FBXO41: variants seen among roughly 807,000 people sequenced by gnomAD.
FBXO41 encodes F-box only protein 41.
Under a neutral mutation model 81.6 loss-of-function variants are expected in FBXO41, and 33 were observed. The observed-to-expected ratio is 0.40, with a 90% CI of 0.31 to 0.54. The LOEUF (loss-of-function observed/expected upper bound fraction) is 0.54. Among genes scored for constraint, FBXO41 ranks in the 20% least tolerant of loss-of-function variants. The pLI is 0.39. For synonymous variants in FBXO41, 576 were observed against 552.7 expected (o/e 1.04, Z -0.59); for missense variants, 1,107 against 1,236.0 (o/e 0.90, Z 1.56).
intron 4 of FBXO41, 28 bp from the exon 5 acceptor site, chr2:73,265,668 G>T: frequency 6.8e-7 from 1 of 1,478,310 alleles, no homozygotes; most frequent in Non-Finnish European, 9.0e-7. Context: ...ACACAGTAAG[G>T]GGTAAGAGGC....
intron 1 of FBXO41, among the ~76,000 whole-genome samples, chr2:73,281,468 T>C (rs1373475782): frequency 6.6e-6 from 1 of 152,294 alleles, no homozygotes; most frequent in East Asian, 1.9e-4. Context: ...GACTCAGGGA[T>C]TGGCCATGTG....
rs1030200955 is a variant in FBXO41, at chr2:73,266,754, G to C, written c.906-72C>G. 1 of 1,468,320 alleles carries C rather than the reference G, an allele frequency of 6.8e-7. No homozygotes were observed. Among genetic ancestry groups the C allele is most frequent in the African/African-American group, 1.4e-5 (1 of 70,042 alleles). The allele number at this position is 1,468,320 out of a possible 1,614,324, so 91.0% of individuals were successfully genotyped here. A position where few individuals can be genotyped will look rare whatever the true frequency, so the allele number is the denominator to read the frequency against. On this transcript the variant is annotated intron_variant, in intron 2 of 12. Coordinates refer to ENST00000520530, the MANE Select transcript of FBXO41 (RefSeq NM_001371389.2). This position sits in a 1 kb window ranked among gnomAD's most constrained non-coding sequence, Gnocchi z 5.3. The stretch of plus-strand genomic sequence containing the variant: ...CACCCACCCTCTGGAGGAGAGCCTG[G>C]CCAGTGCGGGGAGACACTGGCACAG...
In FBXO41 at chr2:73,260,636, A is replaced by C. The variant is rs1424835466; in HGVS notation, c.2291-89T>G. The C allele has an allele frequency of 1.3e-6, 2 of 1,534,080 alleles. No individual in the cohort carries two copies. Among genetic ancestry groups the C allele is most frequent in the Non-Finnish European group, 1.8e-6 (2 of 1,135,632 alleles). On this transcript the variant is annotated intron_variant, in intron 10 of 12. Transcript: ENST00000520530. This position sits in a 1 kb window ranked among gnomAD's most constrained non-coding sequence, Gnocchi z 5.0. ...CCTGGCTACCACCCTGCCACCTGCCACCACCCAGGCTGCAGCCCCAAGCCC... is the reference window on the plus strand; with the variant it reads ...CCTGGCTACCACCCTGCCACCTGCCCCCACCCAGGCTGCAGCCCCAAGCCC...
intron 9 of FBXO41, 51 bp downstream of exon 9, chr2:73,263,162 C>G (rs1405020777): frequency 6.8e-7 from 1 of 1,467,764 alleles, no homozygotes; most frequent in East Asian, 2.5e-5. Flanking sequence ...CAGCCCCAGA[C>G]CAGGCCCAAC....
Position 73,265,906 on chromosome 2 carries a change from A to G in FBXO41, c.1192T>C (p.Ser398Pro). 1 of 1,586,460 alleles carries G rather than the reference A, an allele frequency of 6.3e-7. No homozygotes were observed. The highest frequency in any genetic ancestry group is 8.6e-7 in the Non-Finnish European group (1 of 1,166,352). ...CCCAAGGCTTACCCTGTGCTCGGAGAGGAGCCATGCCGTGACACTGCATAT... is the reference window on the plus strand; with the variant it reads ...CCCAAGGCTTACCCTGTGCTCGGAGGGGAGCCATGCCGTGACACTGCATAT... ...NTYAVSRHGS[S>P]PSTGASSRVP... Residue 398 changes from serine to proline, a missense_variant, in exon 4 of 13, where the codon TCT (serine) becomes CCT (proline). Transcript: ENST00000520530.
Position 73,269,101 on chromosome 2 carries a change from G to A in FBXO41, c.530C>T (p.Pro177Leu), listed in dbSNP as rs1350716100. The A allele has an allele frequency of 4.6e-6, 7 of 1,507,158 alleles. No individual in the cohort carries two copies. The highest frequency in any genetic ancestry group is 6.2e-6 in the Non-Finnish European group (7 of 1,135,978). The allele number at this position is 1,507,158 out of a possible 1,614,324, so 93.4% of individuals were successfully genotyped here. ...ACSTPPPGPG[P>L]GPCPGPASAS... Reference sequence around the variant, plus strand: ...GGAGGCAGGCCCGGGGCAAGGGCCGGGGCCGGGGCCAGGCGGCGGCGTCGA... The same window carrying A: ...GGAGGCAGGCCCGGGGCAAGGGCCGAGGCCGGGGCCAGGCGGCGGCGTCGA... The change falls in exon 2 of 13, where the codon CCC becomes CTC. Residue 177 changes from proline (P) to leucine (L), a missense_variant. By Grantham distance (98) the Pro-to-Leu change is moderately conservative (BLOSUM62 -3). Coordinates refer to ENST00000520530, the MANE Select transcript of FBXO41 (RefSeq NM_001371389.2). The surrounding 1 kb of genome is among the most constrained non-coding windows in gnomAD (Gnocchi z 7.0).
chr2:73,265,162 G>A (rs1166918207), intron 5 of FBXO41, 120 bp downstream of exon 5: 3 of 944,996 alleles, frequency 3.2e-6, no homozygotes, highest in East Asian at 5.3e-5. Flanking sequence ...CCTGCCCCAG[G>A]CTTGAAGGGC....
chr2:73,277,015 G>A (rs572584127), intron 1 of FBXO41, among the ~76,000 whole-genome samples: 1 of 152,214 alleles, frequency 6.6e-6, no homozygotes. Flanking sequence ...CCCAGAAGTA[G>A]CCAGCCTTCT....
chr2:73,266,900 A>C lies in FBXO41; in HGVS notation c.906-218T>G. 2 of 592,670 alleles carry C rather than the reference A, an allele frequency of 3.4e-6. No homozygotes were observed. Among genetic ancestry groups the C allele is most frequent in the South Asian group, 3.7e-5 (1 of 27,338 alleles). The allele number at this position is 592,670 out of a possible 1,614,324, so 36.7% of individuals were successfully genotyped here. On this transcript the variant is annotated intron_variant, in intron 2 of 12. Coordinates refer to ENST00000520530, the MANE Select transcript of FBXO41 (RefSeq NM_001371389.2). This position sits in a 1 kb window ranked among gnomAD's most constrained non-coding sequence, Gnocchi z 5.3. ...ACTCCGAGCCACACACTCACACCCC[A>C]CCCACCTGGCCCCAGACCCTGCTCT...
At chr2:73,270,794 C>G (rs773260933) in intron 1 of FBXO41, 1 of 534,212 alleles carries the variant, frequency 1.9e-6, no homozygotes, top group Admixed American at 1.9e-5. Flanking sequence ...TCTTCTCCTA[C>G]CTTGTGGGGT....
rs1264289726 is a variant in FBXO41 at position 73,259,809 on chromosome 2, C to T, written c.2450-513G>A. On this transcript the variant is annotated intron_variant, in intron 11 of 12. Transcript: ENST00000520530. The surrounding 1 kb of genome is among the most constrained non-coding windows in gnomAD (Gnocchi z 4.2). The stretch of plus-strand genomic sequence containing the variant: ...GAGCAGTTAGTTCTGGTGGTAAAGT[C>T]CAGGGTATCCCATGTGGCTGAAGGG... Among the ~76,000 whole-genome samples, 1 of 152,064 alleles carries T rather than the reference C, an allele frequency of 6.6e-6. No homozygotes were observed. Among genetic ancestry groups the T allele is most frequent in the African/African-American group, 2.4e-5 (1 of 41,372 alleles).
chr2:73,274,034 TC>T (rs2103902225), intron 1 of FBXO41, among the ~76,000 whole-genome samples: 1 of 152,308 alleles, frequency 6.6e-6, no homozygotes, highest in East Asian at 1.9e-4. Context: ...TTTGTACTCT[TC>T]CAGGCCACAA....
chr2:73,263,353 A>C, intron 8 of FBXO41, 45 bp from the exon 9 acceptor site: 2 of 1,403,988 alleles, frequency 1.4e-6, no homozygotes, highest in Non-Finnish European at 1.9e-6. Flanking sequence ...GGTGGCTTAT[A>C]CTGGTAATCC....
chr2:73,269,694 C>T lies in FBXO41; in HGVS notation c.-64G>A. 1 of 1,103,296 alleles carries T rather than the reference C, an allele frequency of 9.1e-7. No individual in the cohort carries two copies. 68.3% of individuals were successfully genotyped at this position (1,103,296 alleles called of 1,614,324 possible). A position where few individuals can be genotyped will look rare whatever the true frequency, so the allele number is the denominator to read the frequency against. On this transcript the variant is annotated 5_prime_UTR_variant, in exon 2 of 13. Coordinates refer to ENST00000520530, the MANE Select transcript of FBXO41 (RefSeq NM_001371389.2). The surrounding 1 kb of genome is among the most constrained non-coding windows in gnomAD (Gnocchi z 7.0). ...CCGCCCCGCCGGTCAGCCGGGCGCGCTCATGGGGGACCGCGGGCGAGGCCC... is the reference window on the plus strand; with the variant it reads ...CCGCCCCGCCGGTCAGCCGGGCGCGTTCATGGGGGACCGCGGGCGAGGCCC...
Position 73,266,705 on chromosome 2 carries a change from C to T in FBXO41, c.906-23G>A, listed in dbSNP as rs1688293439. ...TCCCTGGGCCCAGAGCAGTCTCTTA[C>T]CCCAGAGCCTCAGCCTGCCTGCCCA... On this transcript the variant is annotated intron_variant, in intron 2 of 12. Coordinates refer to ENST00000520530, the MANE Select transcript of FBXO41 (RefSeq NM_001371389.2). The surrounding 1 kb of genome is among the most constrained non-coding windows in gnomAD (Gnocchi z 5.3). The T allele has an allele frequency of 2.0e-6, 3 of 1,529,354 alleles. No homozygotes were observed. The highest frequency in any genetic ancestry group is 2.5e-5 in the South Asian group (2 of 80,752). The allele number at this position is 1,529,354 out of a possible 1,614,324, so 94.7% of individuals were successfully genotyped here.
intron 9 of FBXO41, 40 bp downstream of exon 9, chr2:73,263,173 C>T (rs1342325065): frequency 6.6e-6 from 10 of 1,517,616 alleles, no homozygotes; most frequent in East Asian, 4.9e-5. Flanking sequence ...CAGGCCCAAC[C>T]GTGTCCCCCC....
At position 73,259,156 on chromosome 2, in the gene FBXO41, G is replaced by T. The variant is rs757374921; in HGVS notation, c.2565+25C>A. On this transcript the variant is annotated intron_variant, in intron 12 of 12. Transcript: ENST00000520530. The surrounding 1 kb of genome is among the most constrained non-coding windows in gnomAD (Gnocchi z 4.2). ...TCTAGGGATGCCACTTGGGGTCTTG[G>T]ACAGCCTCAGAGCTGACCCCTCACC... is the stretch of plus-strand genomic sequence containing the variant. 1 of 1,613,424 alleles carries T rather than the reference G, an allele frequency of 6.2e-7. No individual in the cohort carries two copies. Among genetic ancestry groups the T allele is most frequent in the Middle Eastern group, 1.7e-4 (1 of 6,056 alleles).
chr2:73,273,699 T>C (rs1357824879), intron 1 of FBXO41, among the ~76,000 whole-genome samples: 2 of 152,240 alleles, frequency 1.3e-5, no homozygotes, highest in Non-Finnish European at 2.9e-5. Context: ...CCCCTGATGA[T>C]ATTTGAGCAT....
chr2:73,262,376 G>A (rs925355814), intron 9 of FBXO41, among the ~76,000 whole-genome samples: 3 of 152,330 alleles, frequency 2.0e-5, no homozygotes, highest in East Asian at 3.9e-4. Context: ...GAGCTGTCGC[G>A]TGGAGAGAGG....
Sources: allele counts gnomAD v4.1 joint callset (sites outside exome capture counted in the v4.1 genomes callset), GRCh38; gene constraint gnomAD v4.1.1; non-coding constraint Gnocchi (gnomAD v3.1); transcripts MANE v1.5; gene names NCBI Gene and HGNC (gene_info 2026-07-23, HGNC 2026-07-21).